The following CLYBL variants were observed in gnomAD, a reference collection of about 807,000 sequenced individuals.
CLYBL encodes citramalyl-CoA lyase, mitochondrial.
CLYBL carries 31 observed loss-of-function variants against 38.9 expected under a neutral mutation model. The ratio of observed to expected loss-of-function variants is 0.80; its 90% CI spans 0.60 to 1.08. The LOEUF is 1.08. CLYBL is among the 50% of genes least tolerant of loss of function. The probability of loss-of-function intolerance (pLI) is 0.00; values close to 1 mark genes in which losing one functional copy is unlikely to be tolerated. For synonymous variants in CLYBL, 171 were observed against 158.6 expected, an observed-to-expected ratio of 1.08 and a Z score of -0.59; for missense variants, 434 against 411.6, an observed-to-expected ratio of 1.05 and a Z score of -0.47.
At chr13:99,767,625 C>T (rs1214412798) in intron 1 of CLYBL, among the ~76,000 whole-genome samples, 1 of 152,042 alleles carries the variant, frequency 6.6e-6, no homozygotes, top group Admixed American at 6.6e-5. Context: ...GTCCTTTAGG[C>T]TCTATTCACT....
At chr13:99,882,843 T>G (rs2052246394) in intron 7 of CLYBL, among the ~76,000 whole-genome samples, 1 of 152,058 alleles carries the variant, frequency 6.6e-6, no homozygotes, top group Non-Finnish European at 1.5e-5. Context: ...CAAGACAATC[T>G]TCCTATTTCC....
chr13:99,853,436 T>G (rs1339996796), intron 2 of CLYBL, among the ~76,000 whole-genome samples: 1 of 152,240 alleles, frequency 6.6e-6, no homozygotes, highest in Non-Finnish European at 1.5e-5. Context: ...GTGCCTGGCA[T>G]GTAACGCTTT....
intron 2 of CLYBL, among the ~76,000 whole-genome samples, chr13:99,804,918 C>A (rs1345660949): frequency 2.0e-5 from 3 of 152,148 alleles, no homozygotes; most frequent in Non-Finnish European, 4.4e-5. Context: ...CAATAACTCC[C>A]CATTTCCCCC....
chr13:99,681,797 G>C (rs898056373), intron 1 of CLYBL, among the ~76,000 whole-genome samples: 1 of 152,096 alleles, frequency 6.6e-6, no homozygotes, highest in African/African-American at 2.4e-5. Flanking sequence ...AGTTGGCCAG[G>C]CTGGTCTCAA....
intron 1 of CLYBL, among the ~76,000 whole-genome samples, chr13:99,731,057 TG>T (rs1196215070): frequency 8.8e-6 from 1 of 113,924 alleles, no homozygotes; most frequent in African/African-American, 3.5e-5. Flanking sequence ...CGCTCCAGCC[TG>T]GGTGACAGAG....
intron 1 of CLYBL, among the ~76,000 whole-genome samples, chr13:99,744,163 G>A (rs1030348745): frequency 2.6e-5 from 4 of 151,786 alleles, no homozygotes; most frequent in Admixed American, 1.3e-4. Context: ...TAGTAGAGAC[G>A]GGGTTTCACC....
intron 1 of CLYBL, among the ~76,000 whole-genome samples, chr13:99,712,123 T>C (rs888773333): frequency 6.6e-6 from 1 of 152,162 alleles, no homozygotes; most frequent in Non-Finnish European, 1.5e-5. Context: ...CAACATACTT[T>C]GCAGGGGACA....
At chr13:99,775,316 G>A (rs2049488865) in intron 2 of CLYBL, among the ~76,000 whole-genome samples, 1 of 152,104 alleles carries the variant, frequency 6.6e-6, no homozygotes, top group African/African-American at 2.4e-5. Flanking sequence ...TATCTCCATA[G>A]TAGTAGCAGC....
At chr13:99,626,692 G>C (rs1263348809) in intron 1 of CLYBL, among the ~76,000 whole-genome samples, 1 of 152,088 alleles carries the variant, frequency 6.6e-6, no homozygotes, top group Admixed American at 6.6e-5. Flanking sequence ...TCACTTCTCT[G>C]TGTATTATGT....
intron 2 of CLYBL, among the ~76,000 whole-genome samples, chr13:99,842,931 A>G (rs1275955341): frequency 6.6e-6 from 1 of 150,898 alleles, no homozygotes; most frequent in African/African-American, 2.4e-5. Flanking sequence ...GCGGGGGGAA[A>G]AAAAGGCATT....
intron 2 of CLYBL, among the ~76,000 whole-genome samples, chr13:99,819,374 A>G (rs2050527096): frequency 1.5e-5 from 2 of 137,796 alleles, no homozygotes; most frequent in Admixed American, 7.3e-5. Flanking sequence ...TCAGTCACCT[A>G]CTATACAGAG....
intron 7 of CLYBL, among the ~76,000 whole-genome samples, chr13:99,883,518 CAA>C (rs199528877): frequency 4.4e-4 from 57 of 130,846 alleles, no homozygotes; most frequent in South Asian, 1.2e-3. Context: ...GACTCCATCT[CAA>C]AAAAAAAAAA....
intron 7 of CLYBL, among the ~76,000 whole-genome samples, chr13:99,880,836 C>T (rs971781568): frequency 1.3e-5 from 2 of 152,196 alleles, no homozygotes; most frequent in African/African-American, 2.4e-5. Flanking sequence ...GGGGAAGGGA[C>T]GGGAGGGATA....
Position 99,858,959 on chromosome 13 carries a change from GGAA to G in CLYBL, c.354_356del (p.Glu118del). 6.2e-7 allele frequency: 1 copy of G among 1,613,962 alleles called. No homozygotes were observed. The highest frequency in any genetic ancestry group is 1.7e-4 in the Middle Eastern group (1 of 6,060). On this transcript the variant is annotated inframe_deletion, in exon 3 of 9. Transcript: ENST00000339105. ...TCAACTCAGTTTCCAGTGGTCTGGC[GGAA>G]GAAGACCTAGAGACCCTTTTGCAAT...
exon 10 of CLYBL, among the ~76,000 whole-genome samples, chr13:99,908,641 G>T (rs2052720888): frequency 6.6e-6 from 1 of 152,166 alleles, no homozygotes; most frequent in Admixed American, 6.5e-5. Flanking sequence ...GGTAGGGAGG[G>T]AACTGATATG....
chr13:99,790,990 TGGCTTGTAAAGA>T (rs2049904426), intron 2 of CLYBL, among the ~76,000 whole-genome samples: 1 of 152,214 alleles, frequency 6.6e-6, no homozygotes, highest in Non-Finnish European at 1.5e-5. Context: ...TTTTCTAATT[TGGCTTGTAAAGA>T]GTAGAGATCT....
chr13:99,758,982 A>G (rs930661422), intron 1 of CLYBL, among the ~76,000 whole-genome samples: 13 of 152,152 alleles, frequency 8.5e-5, no homozygotes, highest in African/African-American at 2.9e-4. Context: ...TAGAGAGGGC[A>G]CCTGGTGAGG....
chr13:99,608,557 C>T (rs1342142862), intron 1 of CLYBL, among the ~76,000 whole-genome samples: 3 of 152,074 alleles, frequency 2.0e-5, no homozygotes, highest in African/African-American at 4.8e-5. Flanking sequence ...CAGAAGGGTC[C>T]TTTTCTGGCG....
intron 1 of CLYBL, among the ~76,000 whole-genome samples, chr13:99,642,053 G>C (rs1566596649): frequency 1.3e-5 from 2 of 152,246 alleles, no homozygotes; most frequent in Admixed American, 6.5e-5. Flanking sequence ...AAGGAGGACA[G>C]ACACCCTGGG....
Sources: allele counts gnomAD v4.1 joint callset (sites outside exome capture counted in the v4.1 genomes callset), GRCh38; gene constraint gnomAD v4.1.1; transcripts MANE v1.5; gene names NCBI Gene and HGNC (gene_info 2026-07-23, HGNC 2026-07-21).